Variants in NDST4 observed in about 807,000 individuals in gnomAD.
NDST4 encodes the protein N-deacetylase and N-sulfotransferase 4.
Under a neutral mutation model 100.8 loss-of-function variants are expected in NDST4, and 63 were observed. That is an observed-to-expected ratio of 0.62 (90% CI 0.51 to 0.77). The LOEUF is 0.77. Among genes scored for constraint, NDST4 ranks in the 30% least tolerant of loss-of-function variants. The pLI, the probability that NDST4 is intolerant of heterozygous loss-of-function variation, is 0.00. For missense variants in NDST4, 943 were observed against 1,018.4 expected, an observed-to-expected ratio of 0.93 and a Z score of 1.01; for synonymous variants, 377 against 361.8, an observed-to-expected ratio of 1.04 and a Z score of -0.48.
At chr4:115,078,111 C>T (rs1186376953) in intron 1 of NDST4, among the ~76,000 whole-genome samples, 2 of 151,990 alleles carry the variant, frequency 1.3e-5, no homozygotes, top group Admixed American at 6.6e-5. Flanking sequence ...TTATTTTGTT[C>T]TTGTATTGCT....
intron 1 of NDST4, among the ~76,000 whole-genome samples, chr4:115,100,686 A>G (rs1729712309): frequency 6.6e-6 from 1 of 152,086 alleles, no homozygotes; most frequent in Non-Finnish European, 1.5e-5. Context: ...TTCATAAGAC[A>G]AAATGACACT....
intron 2 of NDST4, among the ~76,000 whole-genome samples, chr4:115,071,154 A>C (rs1164058394): frequency 6.6e-6 from 1 of 152,024 alleles, no homozygotes; most frequent in African/African-American, 2.4e-5. Flanking sequence ...AAAAAATAAA[A>C]ATAAACTCGT....
intron 5 of NDST4, 99 bp from the exon 6 acceptor site, chr4:114,935,433 TG>T (rs1266793933): frequency 3.4e-6 from 4 of 1,181,892 alleles, no homozygotes; most frequent in Middle Eastern, 2.1e-4. Flanking sequence ...AATTTCCTAT[TG>T]GATTTTCTTG....
intron 1 of NDST4, among the ~76,000 whole-genome samples, chr4:115,092,585 G>A (rs983110591): frequency 6.6e-6 from 1 of 152,102 alleles, no homozygotes; most frequent in Non-Finnish European, 1.5e-5. Context: ...AAAGTACTAA[G>A]GGAATAAATG....
chr4:115,042,919 C>A (rs947769553), intron 2 of NDST4, among the ~76,000 whole-genome samples: 1 of 151,926 alleles, frequency 6.6e-6, no homozygotes, highest in Admixed American at 6.6e-5. Flanking sequence ...GTATTTAGGT[C>A]TCCAAGCTTA....
At chr4:114,827,979 A>G in intron 13 of NDST4, 44 bp from the exon 14 acceptor site, 1 of 1,552,470 alleles carries the variant, frequency 6.4e-7, no homozygotes, top group Non-Finnish European at 8.7e-7. Context: ...TCTTTGTTTC[A>G]TCAAACAGGA....
At chr4:115,051,644 T>G (rs1360125436) in intron 2 of NDST4, among the ~76,000 whole-genome samples, 1 of 152,168 alleles carries the variant, frequency 6.6e-6, no homozygotes, top group African/African-American at 2.4e-5. Flanking sequence ...TGTAGCACAT[T>G]TTCTTTAACC....
chr4:115,043,426 T>C (rs1170025545), intron 2 of NDST4, among the ~76,000 whole-genome samples: 1 of 152,090 alleles, frequency 6.6e-6, no homozygotes. Context: ...AATTGTGCAT[T>C]AATATTTGTA....
At chr4:115,094,434 AAAT>A (rs1316940424) in intron 1 of NDST4, among the ~76,000 whole-genome samples, 3 of 152,280 alleles carry the variant, frequency 2.0e-5, no homozygotes, top group East Asian at 3.9e-4. Flanking sequence ...TGATTGTAAT[AAAT>A]AATAAGAGAA....
At chr4:114,878,302 T>A (rs1256283629) in intron 6 of NDST4, among the ~76,000 whole-genome samples, 2 of 152,212 alleles carry the variant, frequency 1.3e-5, no homozygotes, top group Non-Finnish European at 2.9e-5. Flanking sequence ...AATTAATCAC[T>A]AATCCTAGTT....
chr4:115,104,701 C>A (rs565865589), intron 1 of NDST4, among the ~76,000 whole-genome samples: 4 of 151,960 alleles, frequency 2.6e-5, no homozygotes, highest in East Asian at 1.9e-4. Context: ...AAATTTGATC[C>A]TTTAAGTTAG....
intron 6 of NDST4, among the ~76,000 whole-genome samples, chr4:114,930,118 A>AC (rs1208809648): frequency 2.0e-5 from 3 of 152,246 alleles, no homozygotes; most frequent in Non-Finnish European, 2.9e-5. Context: ...TTACATCTCA[A>AC]TTTTTAAAAA....
In NDST4 at chr4:115,022,486, A is replaced by ATG. The variant is rs560000757; in HGVS notation, c.979-45214_979-45213dup. Among the ~76,000 whole-genome samples, 635 of 83,862 alleles carry ATG rather than the reference A, an allele frequency of 7.6e-3. 11 individuals carry two copies. The highest frequency in any genetic ancestry group is 0.01 in the Non-Finnish European group (447 of 44,268). The allele number at this position is 83,862 out of a possible 152,430, so 55.0% of individuals were successfully genotyped here. A position where few individuals can be genotyped will look rare whatever the true frequency, so the allele number is the denominator to read the frequency against. On this transcript the variant is annotated intron_variant, in intron 2 of 13. Transcript: ENST00000264363. ...TTCCATATATATGTGTTCCATATAT[A>ATG]TGTTCCATATATATATATGTTCCAT...
intron 6 of NDST4, among the ~76,000 whole-genome samples, chr4:114,928,300 G>A (rs1725425510): frequency 6.6e-6 from 1 of 152,080 alleles, no homozygotes; most frequent in Non-Finnish European, 1.5e-5. Context: ...TCCTTGCCAG[G>A]CTTGTTGGAA....
intron 6 of NDST4, among the ~76,000 whole-genome samples, chr4:114,929,097 C>G (rs6848951): frequency 0.045 from 5,704 of 126,130 alleles, 174 homozygotes; most frequent in Middle Eastern, 0.068. Flanking sequence ...TCCATCCATC[C>G]ATCCATCCAT....
chr4:114,858,493 G>A (rs148920424), intron 7 of NDST4, among the ~76,000 whole-genome samples: 138 of 152,270 alleles, frequency 9.1e-4, no homozygotes, highest in Middle Eastern at 3.4e-3. Context: ...CAAGTTGCTC[G>A]CCTGAGAGTG....
chr4:114,961,272 C>T (rs1392255495), intron 4 of NDST4, among the ~76,000 whole-genome samples: 2 of 151,372 alleles, frequency 1.3e-5, no homozygotes, highest in Non-Finnish European at 2.9e-5. Flanking sequence ...AAGTCAATAA[C>T]CTATTATTTC....
intron 4 of NDST4, among the ~76,000 whole-genome samples, chr4:114,941,870 A>G (rs370475605): frequency 1.3e-5 from 2 of 152,314 alleles, no homozygotes; most frequent in East Asian, 1.9e-4. Context: ...AAAGTGGCTT[A>G]TGTTTCTAGC....
chr4:115,026,515 G>A (rs1727988522), intron 2 of NDST4, among the ~76,000 whole-genome samples: 1 of 151,762 alleles, frequency 6.6e-6, no homozygotes, highest in South Asian at 2.1e-4. Context: ...TTATGTATGT[G>A]TATAATTTAA....
Sources: allele counts gnomAD v4.1 joint callset (sites outside exome capture counted in the v4.1 genomes callset), GRCh38; gene constraint gnomAD v4.1.1; transcripts MANE v1.5; gene names NCBI Gene and HGNC (gene_info 2026-07-23, HGNC 2026-07-21).